The following UNC80 variants were observed in gnomAD, a reference collection of about 807,000 sequenced individuals.
The protein encoded by UNC80 is unc-80 subunit of NALCN channel complex.
Under a neutral mutation model 384.6 loss-of-function variants are expected in UNC80, and 164 were observed. The ratio of observed to expected loss-of-function variants is 0.43; its 90% confidence interval spans 0.38 to 0.49. The LOEUF (loss-of-function observed/expected upper bound fraction) is 0.49, where lower values mean the gene tolerates loss of function less well. UNC80 is among the 20% of genes least tolerant of loss of function. UNC80 has a pLI of 0.00. For synonymous variants in UNC80, 1,486 were observed against 1,527.8 expected (o/e 0.97, Z 0.64); for missense variants, 3,330 against 4,143.0 (o/e 0.80, Z 5.39).
At position 209,973,201 on chromosome 2, in the gene UNC80, C is replaced by G; in HGVS notation, c.8518C>G (p.Pro2840Ala). Residue 2840 changes from proline (P) to alanine (A), a missense_variant, in exon 56 of 65, where the codon CCT becomes GCT. By Grantham distance (27) the Pro-to-Ala change is conservative (BLOSUM62 -1). Around this residue, in one of 8 missense-constraint regions of UNC80, gnomAD observed 1,049 missense variants for 1,488.6 expected, o/e 0.70. Coordinates refer to ENST00000673920, the MANE Select transcript of UNC80 (RefSeq NM_001371986.1). ...LESSPAHCST[P>A]GDAGKDLRRE... The stretch of plus-strand genomic sequence containing the variant: ...GAGCTCCCCAGCCCACTGCTCCACC[C>G]CTGGGGATGCGGGGAAAGACTTGCG... 1 of 1,551,682 alleles carries G rather than the reference C, an allele frequency of 6.4e-7. No homozygotes were observed. Among genetic ancestry groups the G allele is most frequent in the Non-Finnish European group, 8.7e-7 (1 of 1,147,006 alleles).
chr2:209,962,553 A>G (rs989024366), intron 51 of UNC80, among the ~76,000 whole-genome samples: 5 of 152,236 alleles, frequency 3.3e-5, no homozygotes, highest in African/African-American at 4.8e-5. Flanking sequence ...GCAGTTCAGC[A>G]AGAGCAATTG....
Position 209,834,019 on chromosome 2 carries a change from T to A in UNC80, c.2793T>A (p.Ile931=). 1 of 1,551,716 alleles carries A rather than the reference T, an allele frequency of 6.4e-7. No homozygotes were observed. Among genetic ancestry groups the A allele is most frequent in the Non-Finnish European group, 8.7e-7 (1 of 1,146,956 alleles). ...CCAAACAGGGACTGTATTGTGACAT[T>A]CGTCAGCTGGTCCAGTTTATCAAAG... ...SPENLGLYCD[I]RQLVQFIKEA... is the part of the protein sequence containing the mutation. The change falls in exon 17 of 65, where the codon ATT becomes ATA. Residue 931 remains isoleucine (I), a synonymous_variant. Coordinates refer to ENST00000673920, the MANE Select transcript of UNC80 (RefSeq NM_001371986.1).
intron 32 of UNC80, 87 bp from the exon 33 acceptor site, chr2:209,918,445 C>A: frequency 7.0e-7 from 1 of 1,419,338 alleles, no homozygotes; most frequent in Non-Finnish European, 9.6e-7. Flanking sequence ...ATTAACACTT[C>A]CTGAGACAGA....
chr2:209,986,839 G>A (rs2093300322), intron 61 of UNC80, among the ~76,000 whole-genome samples: 3 of 152,138 alleles, frequency 2.0e-5, no homozygotes, highest in Non-Finnish European at 4.4e-5. Flanking sequence ...AGTTCTCTTT[G>A]GAGGAGAGGA....
At position 209,998,683 on chromosome 2, in the gene UNC80, A is replaced by C. The variant is rs1381397973; in HGVS notation, c.*3088A>C. 6.6e-6 allele frequency: 1 copy of C among 152,214 alleles called. No individual in the cohort carries two copies. The highest frequency in any genetic ancestry group is 6.5e-5 in the Admixed American group (1 of 15,288). The allele number at this position is 152,214 out of a possible 1,614,324, so 9.4% of individuals were successfully genotyped here. On this transcript the variant is annotated 3_prime_UTR_variant, in exon 65 of 65. Transcript: ENST00000673920. ...GTGTGGAGGGGCTTTTAGGGAAGAAAGGGTCATAAATGAATAGAAGTACAG... is the reference window on the plus strand; with the variant it reads ...GTGTGGAGGGGCTTTTAGGGAAGAACGGGTCATAAATGAATAGAAGTACAG...
intron 4 of UNC80, among the ~76,000 whole-genome samples, chr2:209,777,997 C>G (rs2076959691): frequency 6.6e-6 from 1 of 152,190 alleles, no homozygotes; most frequent in South Asian, 2.1e-4. Flanking sequence ...CAAAATGCAA[C>G]TTTAATATCA....
At chr2:209,774,086 A>ATGTAAATT (rs1385350893) in intron 2 of UNC80, among the ~76,000 whole-genome samples, 1 of 152,226 alleles carries the variant, frequency 6.6e-6, no homozygotes, top group Non-Finnish European at 1.5e-5. Context: ...GGATATTGCC[A>ATGTAAATT]TGCATATTTA....
At chr2:209,862,936 C>A (rs2083449391) in intron 22 of UNC80, among the ~76,000 whole-genome samples, 1 of 151,960 alleles carries the variant, frequency 6.6e-6, no homozygotes, top group Non-Finnish European at 1.5e-5. Context: ...TGTCATTGGT[C>A]TTTATATTTT....
intron 29 of UNC80, among the ~76,000 whole-genome samples, chr2:209,908,700 C>CATTGG (rs760649311): frequency 1.3e-5 from 2 of 152,218 alleles, no homozygotes; most frequent in Non-Finnish European, 2.9e-5. Context: ...GGTCAACTGA[C>CATTGG]TTCCTGCAGA....
At chr2:209,989,675 G>C (rs2093356514) in intron 61 of UNC80, among the ~76,000 whole-genome samples, 1 of 152,126 alleles carries the variant, frequency 6.6e-6, no homozygotes, top group Admixed American at 6.5e-5. Flanking sequence ...AAACCCCTTA[G>C]TCTTCTCCTG....
chr2:209,774,600 G>A (rs1174849987), intron 2 of UNC80, among the ~76,000 whole-genome samples: 1 of 152,040 alleles, frequency 6.6e-6, no homozygotes, highest in Non-Finnish European at 1.5e-5. Flanking sequence ...ATTATGAAAT[G>A]CATAACTCAT....
At chr2:209,911,387 G>A (rs1275725210) in intron 29 of UNC80, among the ~76,000 whole-genome samples, 1 of 152,134 alleles carries the variant, frequency 6.6e-6, no homozygotes, top group Non-Finnish European at 1.5e-5. Context: ...AATAATATGT[G>A]TTCCCACATA....
At chr2:209,973,565 A>C (rs992357491) in intron 56 of UNC80, among the ~76,000 whole-genome samples, 1 of 152,192 alleles carries the variant, frequency 6.6e-6, no homozygotes, top group African/African-American at 2.4e-5. Flanking sequence ...CCATGCCTAA[A>C]TTACTTGGCT....
At chr2:209,786,869 C>A (rs949526023) in intron 5 of UNC80, among the ~76,000 whole-genome samples, 1 of 151,426 alleles carries the variant, frequency 6.6e-6, no homozygotes, top group African/African-American at 2.4e-5. Context: ...GCATTAAGTG[C>A]CTGCTTTATA....
intron 52 of UNC80, 197 bp from the exon 53 acceptor site, chr2:209,969,571 G>A (rs1001603457): frequency 1.4e-5 from 9 of 624,248 alleles, no homozygotes; most frequent in Middle Eastern, 4.4e-4. Context: ...TAGTCGAGTG[G>A]GGCAGGCCTG....
chr2:209,857,292 C>T (rs190035024), intron 22 of UNC80, among the ~76,000 whole-genome samples: 2 of 152,082 alleles, frequency 1.3e-5, no homozygotes, highest in Admixed American at 6.6e-5. Flanking sequence ...TAGAGATGAT[C>T]GAAATTGAAA....
intron 7 of UNC80, 87 bp downstream of exon 7, chr2:209,793,946 T>C: frequency 6.7e-7 from 1 of 1,488,880 alleles, no homozygotes; most frequent in Non-Finnish European, 9.2e-7. Context: ...TAGCCTCTGT[T>C]CCTTAAAATA....
At chr2:209,982,110 C>T (rs780663828) in intron 59 of UNC80, 69 bp from the exon 60 acceptor site, 7 of 1,464,438 alleles carry the variant, frequency 4.8e-6, no homozygotes, top group African/African-American at 1.4e-5. Context: ...AACCCAAGTA[C>T]AGCTTTGGTT....
At chr2:209,861,814 T>A (rs984905692) in intron 22 of UNC80, among the ~76,000 whole-genome samples, 1 of 152,196 alleles carries the variant, frequency 6.6e-6, no homozygotes, top group African/African-American at 2.4e-5. Context: ...TTCTAGTTTA[T>A]TTGCATAGAG....
Sources: allele counts gnomAD v4.1 joint callset (sites outside exome capture counted in the v4.1 genomes callset), GRCh38; gene constraint gnomAD v4.1.1; regional missense constraint gnomAD v4.1.1; transcripts MANE v1.5; gene names NCBI Gene and HGNC (gene_info 2026-07-23, HGNC 2026-07-21).